Variants in DCTN4 observed in about 807,000 individuals in gnomAD.
The protein encoded by DCTN4 is dynactin subunit 4.
In DCTN4, 23 loss-of-function variants were observed where a neutral mutation model predicts 62.7. The observed-to-expected ratio is 0.37, with a 90% confidence interval of 0.26 to 0.52. The LOEUF is 0.52. DCTN4 is among the 20% of genes least tolerant of loss of function. DCTN4 has a pLI of 0.92. For missense variants in DCTN4, 514 were observed against 580.4 expected, an observed-to-expected ratio of 0.89 and a Z score of 1.18; for synonymous variants, 199 against 202.1, an observed-to-expected ratio of 0.98 and a Z score of 0.13.
Position 150,711,312 on chromosome 5 carries a change from G to T in DCTN4, c.1220C>A (p.Thr407Lys). Reference protein sequence around the residue: ...ANKVGIFIKVTPQREEGEVTV... With the variant: ...ANKVGIFIKVKPQREEGEVTV... The stretch of plus-strand genomic sequence containing the variant: ...CACTTCACCCTCCTCACGCTGTGGT[G>T]TAACTTTGATGAAAATACCCACTTT... The change falls in exon 13 of 13, where the codon ACA (threonine) becomes AAA (lysine). Residue 407 changes from threonine (T) to lysine (K), a missense_variant. Transcript: ENST00000447998. The T allele has an allele frequency of 6.2e-7, 1 of 1,613,428 alleles. No homozygotes were observed. The highest frequency in any genetic ancestry group is 8.5e-7 in the Non-Finnish European group (1 of 1,180,022).
chr5:150,720,010 ATTAGCAT>A (rs1759902240), intron 9 of DCTN4, among the ~76,000 whole-genome samples: 1 of 152,160 alleles, frequency 6.6e-6, no homozygotes, highest in African/African-American at 2.4e-5. Context: ...CAGGCCCCAG[ATTAGCAT>A]TTACATATCA....
chr5:150,756,258 G>T (rs1200712089), intron 2 of DCTN4, among the ~76,000 whole-genome samples, 159 bp downstream of exon 2: 1 of 151,920 alleles, frequency 6.6e-6, no homozygotes, highest in Non-Finnish European at 1.5e-5. Flanking sequence ...AGCCAGGATG[G>T]TATCAACCTC....
chr5:150,757,901 T>A (rs1752921072), intron 1 of DCTN4: 1 of 188,114 alleles, frequency 5.3e-6, no homozygotes, highest in Non-Finnish European at 9.9e-6. Context: ...CACCCCCAAA[T>A]TACTGGCTGT....
chr5:150,718,427 T>C (rs2151471558), intron 10 of DCTN4, 44 bp from the exon 11 acceptor site: 2 of 1,435,528 alleles, frequency 1.4e-6, no homozygotes, highest in South Asian at 1.2e-5. Flanking sequence ...GCCACTTTCT[T>C]AGCTGCTATA....
chr5:150,750,464 G>A (rs1752633140), intron 3 of DCTN4, among the ~76,000 whole-genome samples: 1 of 152,140 alleles, frequency 6.6e-6, no homozygotes, highest in East Asian at 1.9e-4. Context: ...TAGTTATATA[G>A]AAAAGTCCTT....
chr5:150,756,590 C>T, intron 1 of DCTN4, 103 bp from the exon 2 acceptor site: 3 of 590,942 alleles, frequency 5.1e-6, no homozygotes, highest in Non-Finnish European at 8.3e-6. Context: ...TATACTGTAG[C>T]AGAAAGTAGA....
At chr5:150,751,210 T>A (rs922136105) in intron 3 of DCTN4, among the ~76,000 whole-genome samples, 2 of 152,130 alleles carry the variant, frequency 1.3e-5, no homozygotes, top group Non-Finnish European at 2.9e-5. Flanking sequence ...AAACAAATAG[T>A]TCTAACTTAA....
chr5:150,711,286 T>C lies in DCTN4; in HGVS notation c.1246A>G (p.Thr416Ala), dbSNP rs549080057. The change falls in exon 13 of 13, where the codon ACC becomes GCC. Residue 416 changes from threonine to alanine, a missense_variant. Thr to Ala is a moderately conservative substitution (Grantham distance 58). Transcript: ENST00000447998. ...TCATGCTTCATCTTGAAGCACACGG[T>C]CACTTCACCCTCCTCACGCTGTGGT... ...VTPQREEGEV[T>A]VCFKMKHDFK... 1.7e-5 allele frequency: 28 copies of C among 1,613,558 alleles called. No homozygotes were observed. Among genetic ancestry groups the C allele is most frequent in the Admixed American group, 1.3e-4 (8 of 59,998 alleles).
chr5:150,715,825 G>A (rs1246727658), intron 11 of DCTN4, among the ~76,000 whole-genome samples, 163 bp from the exon 12 acceptor site: 1 of 152,220 alleles, frequency 6.6e-6, no homozygotes, highest in Non-Finnish European at 1.5e-5. Flanking sequence ...AGAAAGCTAA[G>A]TTAGTACTTA....
intron 9 of DCTN4, among the ~76,000 whole-genome samples, chr5:150,720,793 T>C (rs1480589872): frequency 6.6e-6 from 1 of 152,188 alleles, no homozygotes; most frequent in East Asian, 1.9e-4. Flanking sequence ...GCATCTGTAT[T>C]AAGATAGCCA....
intron 12 of DCTN4, among the ~76,000 whole-genome samples, chr5:150,711,721 C>T (rs1759574402): frequency 6.6e-6 from 1 of 152,024 alleles, no homozygotes; most frequent in South Asian, 2.1e-4. Flanking sequence ...GGTTTCGCCA[C>T]GTTGCCCAGG....
At chr5:150,753,400 G>T in intron 3 of DCTN4, 79 bp downstream of exon 3, 2 of 1,344,136 alleles carry the variant, frequency 1.5e-6, no homozygotes, top group Admixed American at 2.0e-5. Flanking sequence ...GCCCCAACGG[G>T]TTACAGAAAT....
chr5:150,725,933 G>T (rs1423621061), intron 8 of DCTN4, among the ~76,000 whole-genome samples: 7 of 151,902 alleles, frequency 4.6e-5, no homozygotes, highest in Admixed American at 4.6e-4. Context: ...GACAAGTTTT[G>T]CTCTTGTTGC....
Position 150,731,430 on chromosome 5 carries a change from G to A in DCTN4, c.597C>T (p.Thr199=). 2 of 1,613,840 alleles carry A rather than the reference G, an allele frequency of 1.2e-6. No individual in the cohort carries two copies. Among genetic ancestry groups the A allele is most frequent in the Non-Finnish European group, 1.7e-6 (2 of 1,179,956 alleles). The stretch of plus-strand genomic sequence containing the variant: ...TCTAAACTTACGAAAGTCCGGCAAG[G>A]GTACTGATGGATGCACCAGCTCGTG... ...QRPRAGASIS[T]LAGLSLKEGE... is the part of the protein sequence containing the mutation. Residue 199 remains threonine, a synonymous_variant, in exon 6 of 13, where the codon ACC becomes ACT. Transcript: ENST00000447998.
intron 1 of DCTN4, chr5:150,758,162 T>A: frequency 1.0e-6 from 1 of 985,630 alleles, no homozygotes; most frequent in Non-Finnish European, 1.2e-6. Flanking sequence ...TGCCAAGCGC[T>A]GCAGAAGTTT....
At chr5:150,734,543 AGT>A (rs2113071569) in intron 4 of DCTN4, 1 of 152,330 alleles carries the variant, frequency 6.6e-6, no homozygotes, top group East Asian at 1.9e-4. Context: ...GTCCTTGGGG[AGT>A]GCTGCCAGTG....
intron 4 of DCTN4, among the ~76,000 whole-genome samples, chr5:150,736,750 T>C (rs1464553493): frequency 6.6e-5 from 10 of 152,076 alleles, no homozygotes; most frequent in Admixed American, 6.5e-5. Context: ...ATGAATAGAA[T>C]AGTACCTCAC....
intron 3 of DCTN4, among the ~76,000 whole-genome samples, chr5:150,750,839 T>C (rs1409001905): frequency 6.6e-6 from 1 of 152,198 alleles, no homozygotes; most frequent in Non-Finnish European, 1.5e-5. Context: ...TTAAACTGTT[T>C]TGGCTGTTTC....
chr5:150,730,484 A>G lies in DCTN4; in HGVS notation c.834+147T>C, dbSNP rs1054332544. The G allele has an allele frequency of 7.4e-6, 5 of 674,084 alleles. No homozygotes were observed. The South Asian group carries it at 9.2e-5, about 12-fold the overall frequency. 41.8% of individuals were successfully genotyped at this position (674,084 alleles called of 1,614,324 possible). On this transcript the variant is annotated intron_variant, in intron 8 of 12. Coordinates refer to ENST00000447998, the MANE Select transcript of DCTN4 (RefSeq NM_016221.4). The stretch of plus-strand genomic sequence containing the variant: ...GAGCTGTTTATATTGAAAGCATTTA[A>G]AATAGTGCCTGGCAATTAGTATGTT...
Sources: gnomAD v4.1 joint callset for allele counts (sites outside exome capture counted in the v4.1 genomes callset) on GRCh38, gnomAD v4.1.1 for gene constraint, MANE v1.5 for transcripts, NCBI Gene and HGNC (gene_info 2026-07-23, HGNC 2026-07-21) for gene names.